Variants in TTC7B observed in about 807,000 individuals in gnomAD.
The protein encoded by TTC7B is tetratricopeptide repeat protein 7B.
TTC7B carries 28 observed loss-of-function variants against 106.8 expected under a neutral mutation model. The observed-to-expected ratio is 0.26, with a 90% CI of 0.19 to 0.36. The LOEUF is 0.36. TTC7B is among the 10% of genes least tolerant of loss of function. The pLI, the probability that TTC7B is intolerant of heterozygous loss-of-function variation, is 1.00. For missense variants in TTC7B, 862 were observed against 1,076.4 expected (o/e 0.80, Z 2.79); for synonymous variants, 405 against 430.6 (o/e 0.94, Z 0.74).
chr14:90,640,058 C>T (rs77326891), intron 15 of TTC7B, among the ~76,000 whole-genome samples: 13,699 of 152,234 alleles, frequency 0.09, 663 homozygotes, highest in East Asian at 0.16. Flanking sequence ...GCGCATGGAT[C>T]GCTTGAGCTC....
intron 18 of TTC7B, among the ~76,000 whole-genome samples, chr14:90,582,535 C>T (rs1286480): frequency 0.25 from 37,395 of 152,180 alleles, 5,674 homozygotes; most frequent in African/African-American, 0.44. Context: ...ACCAGTGCCA[C>T]AGGTTTCCTC....
intron 4 of TTC7B, among the ~76,000 whole-genome samples, chr14:90,736,880 A>C (rs1889552131): frequency 1.4e-5 from 2 of 144,824 alleles, no homozygotes; most frequent in Admixed American, 1.4e-4. Context: ...CAACAGAGCA[A>C]GACCATGTCT....
chr14:90,594,498 T>C (rs1218328240), intron 17 of TTC7B, among the ~76,000 whole-genome samples: 2 of 152,016 alleles, frequency 1.3e-5, no homozygotes, highest in Non-Finnish European at 2.9e-5. Context: ...CTCTTGGAGA[T>C]GTGGTTTTAG....
chr14:90,531,043 A>G lies in TTC7B; in HGVS notation c.*10325T>C, dbSNP rs1307850505. 1 of 152,244 alleles carries G rather than the reference A, an allele frequency of 6.6e-6. No individual in the cohort carries two copies. Among genetic ancestry groups the G allele is most frequent in the Non-Finnish European group, 1.5e-5 (1 of 68,048 alleles). 9.4% of individuals were successfully genotyped at this position (152,244 alleles called of 1,614,324 possible). On this transcript the variant is annotated 3_prime_UTR_variant, in exon 20 of 20. Transcript: ENST00000328459. ...TAATAGATACAGGATATAAAATGAT[A>G]TAATTTTAATATTAATAGCTGAAAA...
At chr14:90,677,817 T>C (rs563576222) in intron 8 of TTC7B, 2 of 455,570 alleles carry the variant, frequency 4.4e-6, no homozygotes, top group African/African-American at 4.0e-5. Flanking sequence ...CATCAGTACT[T>C]ACTCACTTTA....
chr14:90,603,317 A>T, intron 17 of TTC7B: 1 of 1,283,800 alleles, frequency 7.8e-7, no homozygotes, highest in Non-Finnish European at 1.0e-6. Flanking sequence ...GGAACAACAG[A>T]TCAAACCAAA....
At chr14:90,602,326 T>C (rs1418800600) in intron 17 of TTC7B, 2 of 419,536 alleles carry the variant, frequency 4.8e-6, no homozygotes, top group South Asian at 1.7e-5. Context: ...GTCGTCCAAA[T>C]ATATTTGACC....
chr14:90,724,763 T>C lies in TTC7B; in HGVS notation c.698+5312A>G, dbSNP rs192045763. Among the ~76,000 whole-genome samples the C allele has an allele frequency of 1.4e-3, 216 of 152,300 alleles. 1 individual carries two copies. The highest frequency in any genetic ancestry group is 5.1e-3 in the African/African-American group (211 of 41,558). ...TATAAAATACCCGGTCTCAGGTATT[T>C]CTTTATAGCAATGAGAGAACGGGCT... On this transcript the variant is annotated intron_variant, in intron 5 of 19. Transcript: ENST00000328459.
intron 16 of TTC7B, among the ~76,000 whole-genome samples, chr14:90,612,760 C>T (rs1019880546): frequency 1.3e-5 from 2 of 152,216 alleles, no homozygotes; most frequent in Non-Finnish European, 2.9e-5. Flanking sequence ...CTTCTAGGTA[C>T]ATGCCAGGTG....
rs750297785 is a variant in TTC7B at position 90,578,085 on chromosome 14, C to G, written c.2310+21G>C. The G allele has an allele frequency of 1.9e-6, 3 of 1,589,614 alleles. No individual in the cohort carries two copies. The highest frequency in any genetic ancestry group is 2.6e-6 in the Non-Finnish European group (3 of 1,167,726). On this transcript the variant is annotated intron_variant, in intron 19 of 19. Transcript: ENST00000328459. The surrounding 1 kb of genome is among the most constrained non-coding windows in gnomAD (Gnocchi z 4.7). ...TGTCCCCATGCCAGAGTAGGGGCCA[C>G]CGCCGGGCTCGTGGACTCACCAGTC...
At chr14:90,779,579 C>T (rs868149074) in intron 3 of TTC7B, among the ~76,000 whole-genome samples, 11 of 152,340 alleles carry the variant, frequency 7.2e-5, no homozygotes, top group Admixed American at 4.6e-4. Flanking sequence ...GCTGGGATTA[C>T]AGGCGTGAGC....
chr14:90,687,401 C>T (rs1887287865), intron 7 of TTC7B, among the ~76,000 whole-genome samples: 1 of 152,058 alleles, frequency 6.6e-6, no homozygotes, highest in African/African-American at 2.4e-5. Flanking sequence ...CTGAGTGGTT[C>T]AGGAAATGGA....
intron 18 of TTC7B, among the ~76,000 whole-genome samples, chr14:90,584,782 T>C (rs1178993058): frequency 6.6e-6 from 1 of 151,930 alleles, no homozygotes; most frequent in African/African-American, 2.4e-5. Flanking sequence ...TGACCCTGCC[T>C]CCCTAAAGAG....
Position 90,657,182 on chromosome 14 carries a change from G to A in TTC7B, c.1333C>T (p.Leu445=), listed in dbSNP as rs1388794762. 1.2e-6 allele frequency: 2 copies of A among 1,613,744 alleles called. No individual in the cohort carries two copies. The highest frequency in any genetic ancestry group is 1.7e-6 in the Non-Finnish European group (2 of 1,179,740). Residue 445 remains leucine (L), a synonymous_variant, in exon 11 of 20, where the codon CTG becomes TTG. Coordinates refer to ENST00000328459, the MANE Select transcript of TTC7B (RefSeq NM_001010854.2). This position sits in a 1 kb window ranked among gnomAD's most constrained non-coding sequence, Gnocchi z 4.2. ...GGGGCGCCCCTACTCACCCAGTGCA[G>A]GGAGCCCATGCAGAGCTTGGCAGCG... ...LLAAKLCMGS[L]HWLEEAEKFA...
intron 17 of TTC7B, among the ~76,000 whole-genome samples, chr14:90,598,008 G>C (rs759654289): frequency 5.9e-5 from 9 of 152,218 alleles, no homozygotes; most frequent in Non-Finnish European, 1.2e-4. Flanking sequence ...CAACAGGTAA[G>C]CCAGGGAGAG....
chr14:90,730,222 T>C lies in TTC7B; in HGVS notation c.577-26A>G, dbSNP rs769991106. 5.0e-6 allele frequency: 8 copies of C among 1,589,908 alleles called. No individual in the cohort carries two copies. The East Asian group carries it at 1.8e-4, about 36-fold the overall frequency. ...CTAGAAGGGGAGAAAATTGGAAAAC[T>C]AATCAGATGCACATCCAAGCCTACT... On this transcript the variant is annotated intron_variant, in intron 4 of 19. Coordinates refer to ENST00000328459, the MANE Select transcript of TTC7B (RefSeq NM_001010854.2).
chr14:90,689,987 C>A (rs990752474), intron 6 of TTC7B, among the ~76,000 whole-genome samples: 1 of 152,216 alleles, frequency 6.6e-6, no homozygotes, highest in African/African-American at 2.4e-5. Flanking sequence ...ATGTTTTATA[C>A]CTGAAACAAC....
chr14:90,564,138 A>G (rs56022662), intron 19 of TTC7B, among the ~76,000 whole-genome samples: 6,375 of 151,976 alleles, frequency 0.042, 212 homozygotes, highest in Admixed American at 0.067. Flanking sequence ...CAGAGGAATC[A>G]CTATCTATGT....
intron 18 of TTC7B, among the ~76,000 whole-genome samples, chr14:90,587,889 G>A (rs920165965): frequency 6.6e-6 from 1 of 152,204 alleles, no homozygotes; most frequent in African/African-American, 2.4e-5. Context: ...CAAGTGACCT[G>A]ATAGCTGTGT....
Sources: gnomAD v4.1 joint callset for allele counts (sites outside exome capture counted in the v4.1 genomes callset) on GRCh38, gnomAD v4.1.1 for gene constraint, Gnocchi (gnomAD v3.1) non-coding constraint, MANE v1.5 for transcripts, NCBI Gene and HGNC (gene_info 2026-07-23, HGNC 2026-07-21) for gene names.